C19orf47: variants seen among roughly 807,000 people sequenced by gnomAD.
C19orf47 encodes chromosome 19 open reading frame 47.
C19orf47 carries 18 observed loss-of-function variants against 32.3 expected under a neutral mutation model. The observed-to-expected ratio is 0.56, with a 90% confidence interval of 0.39 to 0.83. The LOEUF (loss-of-function observed/expected upper bound fraction) is 0.83, where lower values mean the gene tolerates loss of function less well. Among genes scored for constraint, C19orf47 ranks in the 40% least tolerant of loss-of-function variants. C19orf47 has a pLI of 0.00. For synonymous variants in C19orf47, 202 were observed against 211.1 expected, an observed-to-expected ratio of 0.96 and a Z score of 0.37; for missense variants, 484 against 531.6, an observed-to-expected ratio of 0.91 and a Z score of 0.88.
chr19:40,322,302 G>C lies in C19orf47; in HGVS notation c.738C>G (p.Asp246Glu). 6.2e-7 allele frequency: 1 copy of C among 1,608,674 alleles called. No individual in the cohort carries two copies. Among genetic ancestry groups the C allele is most frequent in the Non-Finnish European group, 8.5e-7 (1 of 1,179,072 alleles). Reference sequence around the variant, plus strand: ...CATACTGCAAGACAGAGCTGCTGCTGTCATTGTCGCTGTCCCAAGCCAGAT... The same window carrying C: ...CATACTGCAAGACAGAGCTGCTGCTCTCATTGTCGCTGTCCCAAGCCAGAT... ...DEDLAWDSDN[D>E]SSSSVLQYAG... The change falls in exon 9 of 9, where the codon GAC becomes GAG. Residue 246 changes from aspartate (D) to glutamate (E), a missense_variant. By Grantham distance (45) the Asp-to-Glu change is conservative. Coordinates refer to ENST00000683109, the MANE Select transcript of C19orf47 (RefSeq NM_001256441.2).
chr19:40,341,824 A>G lies in C19orf47; in HGVS notation c.19+15T>C. The G allele has an allele frequency of 6.5e-7, 1 of 1,536,118 alleles. No individual in the cohort carries two copies. The highest frequency in any genetic ancestry group is 8.7e-7 in the Non-Finnish European group (1 of 1,146,888). ...GTGGGGAGAGGGGGCCCTGGAGAGAAGGCCACAGACTCACCCATAGTCACG... is the reference window on the plus strand; with the variant it reads ...GTGGGGAGAGGGGGCCCTGGAGAGAGGGCCACAGACTCACCCATAGTCACG... On this transcript the variant is annotated intron_variant, in intron 2 of 8. Coordinates refer to ENST00000683109, the MANE Select transcript of C19orf47 (RefSeq NM_001256441.2).
At chr19:40,341,024 T>C (rs931320887) in intron 2 of C19orf47, among the ~76,000 whole-genome samples, 1 of 144,934 alleles carries the variant, frequency 6.9e-6, no homozygotes, top group Non-Finnish European at 1.5e-5. Context: ...TTTTAATCAC[T>C]CTTAAAACTA....
chr19:40,319,490 C>G (rs2077686551), downstream of C19orf47: 1 of 153,274 alleles, frequency 6.5e-6, no homozygotes, highest in South Asian at 2.1e-4. Context: ...CAGATTCCCT[C>G]CAATCTCTAT....
intron 2 of C19orf47, chr19:40,339,065 C>T (rs1044691033): frequency 6.6e-6 from 1 of 152,568 alleles, no homozygotes; most frequent in Admixed American, 6.5e-5. Context: ...GACTTTAAGG[C>T]TAGTCAAGTG....
chr19:40,299,076 C>G, the C19orf47 span, among the ~76,000 whole-genome samples: 1 of 151,854 alleles, frequency 6.6e-6, no homozygotes, highest in African/African-American at 2.4e-5. Context: ...TCTTTTTCAC[C>G]TTTTAAGTAA....
At chr19:40,323,549 G>A (rs926391981) in intron 8 of C19orf47, among the ~76,000 whole-genome samples, 1 of 152,180 alleles carries the variant, frequency 6.6e-6, no homozygotes, top group Non-Finnish European at 1.5e-5. Context: ...CCTGTGGGCC[G>A]CACACACTGC....
chr19:40,330,536 C>A lies in C19orf47; in HGVS notation c.302-1986G>T, dbSNP rs554164426. 3.2e-5 allele frequency among the ~76,000 whole-genome samples: 4 copies of A among 125,612 alleles called. No homozygotes were observed. In the East Asian group the frequency reaches 6.8e-4, roughly 21 times the overall value. The allele number at this position is 125,612 out of a possible 152,430, so 82.4% of individuals were successfully genotyped here. On this transcript the variant is annotated intron_variant, in intron 5 of 8. Transcript: ENST00000683109. Reference sequence around the variant, plus strand: ...TACAGGCGTGAGCCACCATACCCGGCCCTCTTTTTTTTTTTTTTTTTTTTT... The same window carrying A: ...TACAGGCGTGAGCCACCATACCCGGACCTCTTTTTTTTTTTTTTTTTTTTT...
At chr19:40,296,600 A>T in the C19orf47 span, among the ~76,000 whole-genome samples, 1 of 152,116 alleles carries the variant, frequency 6.6e-6, no homozygotes, top group East Asian at 1.9e-4. Flanking sequence ...GTATATCTAA[A>T]CATAGAAAAG....
the C19orf47 span, among the ~76,000 whole-genome samples, chr19:40,314,336 G>A: frequency 3.7e-4 from 56 of 152,234 alleles, no homozygotes; most frequent in Non-Finnish European, 6.6e-4. Flanking sequence ...GCTAAGGCAG[G>A]AGATCACTTG....
Position 40,328,465 on chromosome 19 carries a change from C to T in C19orf47, c.387G>A (p.Lys129=), listed in dbSNP as rs778716614. 45 of 1,612,456 alleles carry T rather than the reference C, an allele frequency of 2.8e-5. No homozygotes were observed. The highest frequency in any genetic ancestry group is 1.7e-6 in the Non-Finnish European group (2 of 1,179,316). The change falls in exon 6 of 9, where the codon AAG becomes AAA. Residue 129 remains lysine, a synonymous_variant. Transcript: ENST00000683109. ...PPRRPDTSTS[K]ISVTVSNKMA... ...TCTTGTTGGACACAGTGACCGAGAT[C>T]TTGGAGGTGCTGGTGTCCGGGCGCC...
At chr19:40,311,725 GGCT>G in the C19orf47 span, among the ~76,000 whole-genome samples, 1 of 151,962 alleles carries the variant, frequency 6.6e-6, no homozygotes, top group South Asian at 2.1e-4. Context: ...GCACAATCTC[GGCT>G]CACTGCAATG....
intron 6 of C19orf47, among the ~76,000 whole-genome samples, chr19:40,327,872 C>T (rs762448193): frequency 4.6e-5 from 7 of 152,118 alleles, no homozygotes; most frequent in African/African-American, 1.4e-4. Flanking sequence ...CAAAGTGGGG[C>T]GATGCAAGAG....
downstream of C19orf47, among the ~76,000 whole-genome samples, chr19:40,315,674 G>A (rs1357237297): frequency 1.3e-5 from 2 of 152,070 alleles, no homozygotes; most frequent in African/African-American, 4.8e-5. Context: ...CAGCCACTCA[G>A]GAGGCTGAGG....
chr19:40,310,182 G>A, the C19orf47 span, among the ~76,000 whole-genome samples: 3 of 151,936 alleles, frequency 2.0e-5, no homozygotes, highest in East Asian at 1.9e-4. Context: ...TTATTTAGCC[G>A]ATAAAGGAAT....
intron 1 of C19orf47, among the ~76,000 whole-genome samples, chr19:40,345,848 C>T (rs568098425): frequency 2.7e-4 from 20 of 75,234 alleles, no homozygotes; most frequent in African/African-American, 1.2e-3. Flanking sequence ...GACTCAGTCT[C>T]AAAAAAAAAA....
chr19:40,299,068 T>C, the C19orf47 span, among the ~76,000 whole-genome samples: 1 of 152,164 alleles, frequency 6.6e-6, no homozygotes, highest in Non-Finnish European at 1.5e-5. Flanking sequence ...AAAGATTTTC[T>C]TTTTCACCTT....
chr19:40,324,356 C>T (rs1338073522), intron 7 of C19orf47: 1 of 481,012 alleles, frequency 2.1e-6, no homozygotes, highest in Non-Finnish European at 3.8e-6. Flanking sequence ...TTCTTAGTGC[C>T]TGCATGTTCC....
intron 5 of C19orf47, among the ~76,000 whole-genome samples, chr19:40,329,185 T>C (rs542444992): frequency 6.6e-6 from 1 of 152,126 alleles, no homozygotes; most frequent in South Asian, 2.1e-4. Flanking sequence ...GGAGGCTGTG[T>C]CTGTTTACTG....
chr19:40,336,176 C>A lies in C19orf47; in HGVS notation c.156G>T (p.Glu52Asp), dbSNP rs758776693. 3 of 1,614,232 alleles carry A rather than the reference C, an allele frequency of 1.9e-6. No homozygotes were observed. In the South Asian group the frequency reaches 3.3e-5, roughly 18 times the overall value. Residue 52 changes from glutamate to aspartate, a missense_variant, in exon 4 of 9, where the codon GAG becomes GAT. By Grantham distance (45) the Glu-to-Asp change is conservative. Transcript: ENST00000683109. Reference protein sequence around the residue: ...LLDLNKEIMNELGVTVVGDII... With the variant: ...LLDLNKEIMNDLGVTVVGDII... ...TGTCACCCACCACGGTCACGCCCAG[C>A]TCATTCATTATCTCCTTATTGAGAT...
Sources: allele counts gnomAD v4.1 joint callset (sites outside exome capture counted in the v4.1 genomes callset), GRCh38; gene constraint gnomAD v4.1.1; transcripts MANE v1.5; gene names NCBI Gene and HGNC (gene_info 2026-07-23, HGNC 2026-07-21).